The following IL1RAP variants were observed in gnomAD, a reference collection of about 807,000 sequenced individuals.
IL1RAP encodes interleukin 1 receptor accessory protein, also known as interleukin-1 receptor accessory protein.
IL1RAP carries 35 observed loss-of-function variants against 60.7 expected under a neutral mutation model. The observed-to-expected ratio is 0.58, with a 90% CI of 0.44 to 0.76. IL1RAP has a LOEUF of 0.76. Among genes scored for constraint, IL1RAP ranks in the 30% least tolerant of loss-of-function variants. The pLI is 0.00. For missense variants in IL1RAP, 572 were observed against 693.9 expected (o/e 0.82, Z 1.97); for synonymous variants, 268 against 250.9 (o/e 1.07, Z -0.64).
At chr3:190,631,326 C>A (rs1732770595) in intron 9 of IL1RAP, among the ~76,000 whole-genome samples, 1 of 152,154 alleles carries the variant, frequency 6.6e-6, no homozygotes, top group Non-Finnish European at 1.5e-5. Flanking sequence ...GAGTGAAGCA[C>A]AAGTTTGCCT....
intron 4 of IL1RAP, among the ~76,000 whole-genome samples, chr3:190,605,309 T>A (rs76187604): frequency 3.5e-5 from 5 of 141,218 alleles, no homozygotes; most frequent in African/African-American, 7.5e-5. Flanking sequence ...TCTTTTTTTT[T>A]TCTGCATTAA....
chr3:190,656,375 G>T, downstream of IL1RAP: 1 of 1,537,230 alleles, frequency 6.5e-7, no homozygotes, highest in Non-Finnish European at 8.7e-7. Flanking sequence ...GCCACCTGCC[G>T]CTGTTGTGTC....
chr3:190,624,435 G>A (rs1346782733), intron 7 of IL1RAP, among the ~76,000 whole-genome samples: 1 of 152,152 alleles, frequency 6.6e-6, no homozygotes, highest in Non-Finnish European at 1.5e-5. Flanking sequence ...TTTATAATAG[G>A]CATGTGTGTG....
intron 9 of IL1RAP, among the ~76,000 whole-genome samples, chr3:190,637,882 A>C (rs1733352050): frequency 6.6e-6 from 1 of 152,034 alleles, no homozygotes; most frequent in African/African-American, 2.4e-5. Flanking sequence ...CCCATACAGA[A>C]TGCGCTACTG....
At chr3:190,646,679 C>G (rs1734038463) in intron 11 of IL1RAP, among the ~76,000 whole-genome samples, 1 of 152,182 alleles carries the variant, frequency 6.6e-6, no homozygotes, top group South Asian at 2.1e-4. Flanking sequence ...TGTAATATAT[C>G]TAATCATAAG....
intron 9 of IL1RAP, among the ~76,000 whole-genome samples, chr3:190,632,094 C>T (rs529993704): frequency 5.3e-5 from 8 of 152,274 alleles, no homozygotes; most frequent in South Asian, 2.1e-4. Flanking sequence ...TGAGCCACCA[C>T]GCCCAGCTCA....
chr3:190,570,127 T>A (rs754340755), intron 3 of IL1RAP, among the ~76,000 whole-genome samples: 2 of 152,214 alleles, frequency 1.3e-5, no homozygotes, highest in Non-Finnish European at 2.9e-5. Flanking sequence ...TATTTTTAAA[T>A]CCACTGAGTG....
At chr3:190,516,175 G>T (rs1721495346) in intron 1 of IL1RAP, 1 of 152,234 alleles carries the variant, frequency 6.6e-6, no homozygotes, top group African/African-American at 2.4e-5. Context: ...AGAACAGAGT[G>T]TGATACATCT....
chr3:190,587,033 G>A (rs1728522071), intron 3 of IL1RAP, among the ~76,000 whole-genome samples: 1 of 152,130 alleles, frequency 6.6e-6, no homozygotes, highest in African/African-American at 2.4e-5. Flanking sequence ...TGAAAAACTG[G>A]CTTGATTTAT....
intron 9 of IL1RAP, among the ~76,000 whole-genome samples, chr3:190,631,423 A>G (rs1465454466): frequency 3.3e-5 from 5 of 152,192 alleles, no homozygotes; most frequent in Non-Finnish European, 5.9e-5. Flanking sequence ...GTGAAGTGAC[A>G]GGTGGATCCT....
chr3:190,524,271 T>C (rs999376880), intron 1 of IL1RAP, among the ~76,000 whole-genome samples: 29 of 152,308 alleles, frequency 1.9e-4, no homozygotes, highest in African/African-American at 6.5e-4. Context: ...GTCAGAAGCA[T>C]AGTTTGCAAA....
At chr3:190,593,723 A>T (rs1202375301) in intron 3 of IL1RAP, among the ~76,000 whole-genome samples, 1 of 152,078 alleles carries the variant, frequency 6.6e-6, no homozygotes, top group African/African-American at 2.4e-5. Flanking sequence ...CCATGATTCA[A>T]TTACCTCCCA....
intron 9 of IL1RAP, among the ~76,000 whole-genome samples, chr3:190,639,805 C>G (rs527441952): frequency 7.2e-5 from 11 of 152,264 alleles, no homozygotes; most frequent in African/African-American, 1.2e-4. Flanking sequence ...TTTGTTAAAG[C>G]AGGTCTAAAA....
chr3:190,551,422 A>G (rs373863126), intron 1 of IL1RAP, among the ~76,000 whole-genome samples: 44 of 152,372 alleles, frequency 2.9e-4, no homozygotes, highest in African/African-American at 9.1e-4. Context: ...TAGAGGAACC[A>G]GGCAGAGAGA....
Position 190,579,652 on chromosome 3 carries a change from C to T in IL1RAP, c.64+15299C>T, listed in dbSNP as rs200235651. On this transcript the variant is annotated intron_variant, in intron 3 of 11. Transcript: ENST00000447382. ...AAGCAATAAAACCAGACACATTAGT[C>T]GTGCTGCCATCACAACAATCTAATT... 7.9e-5 allele frequency among the ~76,000 whole-genome samples: 12 copies of T among 152,220 alleles called. No homozygotes were observed. The East Asian group carries it at 2.1e-3, about 27-fold the overall frequency.
chr3:190,629,562 A>C, intron 9 of IL1RAP, 64 bp downstream of exon 9: 1 of 1,538,136 alleles, frequency 6.5e-7, no homozygotes, highest in Non-Finnish European at 8.7e-7. Flanking sequence ...AATAAGGACA[A>C]AAGGAGAGAT....
At chr3:190,523,827 T>C (rs1013397055) in intron 1 of IL1RAP, among the ~76,000 whole-genome samples, 15 of 152,206 alleles carry the variant, frequency 9.9e-5, no homozygotes, top group African/African-American at 3.4e-4. Context: ...TCAGTGAACA[T>C]ACACATGCAT....
At chr3:190,619,867 A>C (rs1434222622) in intron 5 of IL1RAP, among the ~76,000 whole-genome samples, 1 of 152,206 alleles carries the variant, frequency 6.6e-6, no homozygotes, top group Non-Finnish European at 1.5e-5. Context: ...CTGGAGTCCC[A>C]AATTAATATA....
At chr3:190,552,761 A>C (rs1286679473) in intron 1 of IL1RAP, among the ~76,000 whole-genome samples, 2 of 152,200 alleles carry the variant, frequency 1.3e-5, no homozygotes, top group African/African-American at 4.8e-5. Context: ...GCATGCATTA[A>C]AAGTGGTGAG....
Sources: allele counts gnomAD v4.1 joint callset (sites outside exome capture counted in the v4.1 genomes callset), GRCh38; gene constraint gnomAD v4.1.1; transcripts MANE v1.5; gene names NCBI Gene and HGNC (gene_info 2026-07-23, HGNC 2026-07-21).